The following HSF1 variants were observed in gnomAD, a reference collection of about 807,000 sequenced individuals.
The protein encoded by HSF1 is heat shock factor protein 1.
Under a neutral mutation model 51.7 loss-of-function variants are expected in HSF1, and 32 were observed. That is an observed-to-expected ratio of 0.62 (90% CI 0.47 to 0.83). HSF1 has a LOEUF of 0.83. HSF1 is among the 40% of genes least tolerant of loss of function. The pLI is 0.00. For synonymous variants in HSF1, 396 were observed against 309.7 expected (o/e 1.28, Z -2.92); for missense variants, 727 against 717.0 (o/e 1.01, Z -0.16).
rs1315272692 is a variant in HSF1 at position 144,297,062 on chromosome 8, AG to A, written c.117+5191del. Among the ~76,000 whole-genome samples, 1 of 152,086 alleles carries A rather than the reference AG, an allele frequency of 6.6e-6. No individual in the cohort carries two copies. The highest frequency in any genetic ancestry group is 2.4e-5 in the African/African-American group (1 of 41,418). ...CTAGTGTTTGCTCAGTCCTTTATTG[AG>A]GGACCAGGGATGGACAGCCTGGCCC... On this transcript the variant is annotated intron_variant, in intron 1 of 12. Coordinates refer to ENST00000528838, the MANE Select transcript of HSF1 (RefSeq NM_005526.4). The surrounding 1 kb of genome is among the most constrained non-coding windows in gnomAD (Gnocchi z 4.6).
intron 1 of HSF1, among the ~76,000 whole-genome samples, chr8:144,293,247 G>C (rs1554840715): frequency 6.6e-6 from 1 of 152,210 alleles, no homozygotes; most frequent in Non-Finnish European, 1.5e-5. Flanking sequence ...GGAAATCTTT[G>C]CTCTTGTTAG....
Position 144,314,656 on chromosome 8 carries a change from A to G in HSF1, c.*326A>G. On this transcript the variant is annotated 3_prime_UTR_variant, in exon 13 of 13. Coordinates refer to ENST00000528838, the MANE Select transcript of HSF1 (RefSeq NM_005526.4). ...TTCCCCGCTCCACAGAGATACACAG[A>G]TATATACACACAGTGGATGGACGGA... is the stretch of plus-strand genomic sequence containing the variant. 1 of 377,432 alleles carries G rather than the reference A, an allele frequency of 2.6e-6. No individual in the cohort carries two copies. The highest frequency in any genetic ancestry group is 3.7e-5 in the South Asian group (1 of 27,360). The allele number at this position is 377,432 out of a possible 1,614,324, so 23.4% of individuals were successfully genotyped here.
At chr8:144,299,833 C>A (rs1202704468) in intron 1 of HSF1, among the ~76,000 whole-genome samples, 1 of 152,194 alleles carries the variant, frequency 6.6e-6, no homozygotes, top group East Asian at 1.9e-4. Flanking sequence ...TGCTTGGACC[C>A]GGGAGGTGGA....
chr8:144,308,227 C>T (rs1564618816), intron 1 of HSF1, among the ~76,000 whole-genome samples: 1 of 152,202 alleles, frequency 6.6e-6, no homozygotes. Context: ...GTGGGCTTCT[C>T]GCTGTCCCCT....
In HSF1 at chr8:144,311,952, C is replaced by T. The variant is rs373954387; in HGVS notation, c.861-11C>T. 4.4e-4 allele frequency: 700 copies of T among 1,580,778 alleles called. 6 individuals are homozygous for T. The highest frequency in any genetic ancestry group is 3.4e-3 in the South Asian group (305 of 88,652). On this transcript the variant is annotated splice_polypyrimidine_tract_variant and intron_variant, in intron 8 of 12. Coordinates refer to ENST00000528838, the MANE Select transcript of HSF1 (RefSeq NM_005526.4). Reference sequence around the variant, plus strand: ...CGAGACGCCAGCTCACCTGGCCCCCCTCGTGTGCAGGCCCCTATCCAGCAG... The same window carrying T: ...CGAGACGCCAGCTCACCTGGCCCCCTTCGTGTGCAGGCCCCTATCCAGCAG...
intron 1 of HSF1, among the ~76,000 whole-genome samples, chr8:144,294,992 C>A (rs782167671): frequency 6.6e-6 from 1 of 152,248 alleles, no homozygotes; most frequent in African/African-American, 2.4e-5. Context: ...TCCAGTACCA[C>A]TGAGACCCAA....
chr8:144,300,436 C>G (rs1002154027), intron 1 of HSF1, among the ~76,000 whole-genome samples: 3 of 152,070 alleles, frequency 2.0e-5, no homozygotes, highest in Non-Finnish European at 4.4e-5. Flanking sequence ...CCAGGATGGT[C>G]TCAATCTCCT....
intron 4 of HSF1, chr8:144,310,899 A>C: frequency 1.9e-6 from 1 of 514,020 alleles, no homozygotes; most frequent in Non-Finnish European, 3.5e-6. Flanking sequence ...GCCAGGATGG[A>C]TGCCAGGATC....
chr8:144,298,693 C>T (rs150095752), intron 1 of HSF1, among the ~76,000 whole-genome samples: 2 of 152,206 alleles, frequency 1.3e-5, no homozygotes, highest in African/African-American at 4.8e-5. Flanking sequence ...TTTGCAGACT[C>T]ACGTGCAGAG....
At chr8:144,293,443 T>C (rs1554840772) in intron 1 of HSF1, 1 of 151,698 alleles carries the variant, frequency 6.6e-6, no homozygotes, top group African/African-American at 2.4e-5. Context: ...TTTTTCTTTT[T>C]TCTTTTTTTT....
intron 5 of HSF1, 29 bp from the exon 6 acceptor site, chr8:144,311,292 C>G: frequency 6.2e-7 from 1 of 1,613,442 alleles, no homozygotes; most frequent in Non-Finnish European, 8.5e-7. Flanking sequence ...CCACAAGGGC[C>G]GGGGTAACTG....
At chr8:144,293,353 A>C (rs1347439017) in intron 1 of HSF1, 4 of 152,006 alleles carry the variant, frequency 2.6e-5, no homozygotes, top group African/African-American at 9.7e-5. Flanking sequence ...GGCTGGCTTC[A>C]TTTCACCATC....
Position 144,306,291 on chromosome 8 carries a change from T to C in HSF1, c.118-2615T>C, listed in dbSNP as rs187292034. ...TCTATTGATTGCCTTTTTTTTTTTTTCCCGTGTATGGGGTATGGGTCCTAG... is the reference window on the plus strand; with the variant it reads ...TCTATTGATTGCCTTTTTTTTTTTTCCCCGTGTATGGGGTATGGGTCCTAG... On this transcript the variant is annotated intron_variant, in intron 1 of 12. Transcript: ENST00000528838. Among the ~76,000 whole-genome samples, 700 of 151,970 alleles carry C rather than the reference T, an allele frequency of 4.6e-3. 1 individual carries two copies. The highest frequency in any genetic ancestry group is 8.3e-3 in the Admixed American group (127 of 15,250).
In HSF1 at chr8:144,314,378, G is replaced by A; in HGVS notation, c.*48G>A. The A allele has an allele frequency of 6.7e-7, 1 of 1,498,994 alleles. No individual in the cohort carries two copies. The highest frequency in any genetic ancestry group is 9.0e-7 in the Non-Finnish European group (1 of 1,105,274). 92.9% of individuals were successfully genotyped at this position (1,498,994 alleles called of 1,614,324 possible). On this transcript the variant is annotated 3_prime_UTR_variant, in exon 13 of 13. Transcript: ENST00000528838. ...GCCGCCCACCCCCACCCCCAGTGCA[G>A]GGCTGGTCTTGGGGAGGCAGGGCAG... is the stretch of plus-strand genomic sequence containing the variant.
At position 144,291,832 on chromosome 8, in the gene HSF1, C is replaced by T. The variant is rs782541798; in HGVS notation, c.75C>T (p.Leu25=). The change falls in exon 1 of 13, where the codon CTC becomes CTT. Residue 25 remains leucine (L), a synonymous_variant. Coordinates refer to ENST00000528838, the MANE Select transcript of HSF1 (RefSeq NM_005526.4). The surrounding 1 kb of genome is among the most constrained non-coding windows in gnomAD (Gnocchi z 4.1). ...VPAFLTKLWT[L]VSDPDTDALI... Reference sequence around the variant, plus strand: ...CCTTCCTGACCAAGCTGTGGACCCTCGTGAGCGACCCGGACACCGACGCGC... The same window carrying T: ...CCTTCCTGACCAAGCTGTGGACCCTTGTGAGCGACCCGGACACCGACGCGC... 5.8e-6 allele frequency: 9 copies of T among 1,556,186 alleles called. No individual in the cohort carries two copies. Among genetic ancestry groups the T allele is most frequent in the Middle Eastern group, 1.7e-4 (1 of 5,916 alleles).
intron 9 of HSF1, chr8:144,312,638 A>G: frequency 1.3e-6 from 2 of 1,534,876 alleles, no homozygotes; most frequent in Non-Finnish European, 8.7e-7. Flanking sequence ...TTTGGCTCGC[A>G]CTCCACAGAT....
At chr8:144,300,234 T>TTTG in intron 1 of HSF1, among the ~76,000 whole-genome samples, 1 of 149,460 alleles carries the variant, frequency 6.7e-6, no homozygotes, top group Non-Finnish European at 1.5e-5. Flanking sequence ...TTTTTTTTTT[T>TTTG]TGAGACGGAG....
At chr8:144,309,612 C>T (rs781793421) in intron 3 of HSF1, 21 bp downstream of exon 3, 49 of 1,612,186 alleles carry the variant, frequency 3.0e-5, no homozygotes, top group Non-Finnish European at 4.2e-5. Flanking sequence ...GCCCTGCACC[C>T]TTGCCCGGTC....
At chr8:144,313,427 T>A in intron 9 of HSF1, 84 bp from the exon 10 acceptor site, 3 of 905,732 alleles carry the variant, frequency 3.3e-6, no homozygotes, top group Non-Finnish European at 3.6e-6. Context: ...GGGGGTACAG[T>A]CAAGGGGAGC....
Sources: allele counts gnomAD v4.1 joint callset (sites outside exome capture counted in the v4.1 genomes callset), GRCh38; gene constraint gnomAD v4.1.1; non-coding constraint Gnocchi (gnomAD v3.1); transcripts MANE v1.5; gene names NCBI Gene and HGNC (gene_info 2026-07-23, HGNC 2026-07-21).